The following RORB variants were observed in gnomAD, a reference collection of about 807,000 sequenced individuals.
RORB encodes RAR related orphan receptor B.
RORB carries 6 observed loss-of-function variants against 59.1 expected under a neutral mutation model. The observed-to-expected ratio is 0.10, with a 90% CI of 0.06 to 0.20. RORB has a LOEUF of 0.20. Among genes scored for constraint, RORB ranks in the 10% least tolerant of loss-of-function variants. The probability of loss-of-function intolerance (pLI) is 1.00; values close to 1 mark genes in which losing one functional copy is unlikely to be tolerated. For synonymous variants in RORB, 215 were observed against 204.5 expected, an observed-to-expected ratio of 1.05 and a Z score of -0.44; for missense variants, 320 against 560.5, an observed-to-expected ratio of 0.57 and a Z score of 4.33.
chr9:74,547,968 G>C (rs1372981933), intron 1 of RORB, among the ~76,000 whole-genome samples: 2 of 152,312 alleles, frequency 1.3e-5, no homozygotes, highest in African/African-American at 4.8e-5. Flanking sequence ...CTAGAAATTA[G>C]AGTGACTTAG....
chr9:74,507,243 T>C (rs1825881986), intron 1 of RORB, among the ~76,000 whole-genome samples: 1 of 152,086 alleles, frequency 6.6e-6, no homozygotes, highest in African/African-American at 2.4e-5. Context: ...AAGTCTAGTG[T>C]TTTTCTCTAG....
chr9:74,596,734 C>G (rs1020331882), intron 1 of RORB, among the ~76,000 whole-genome samples: 5 of 152,138 alleles, frequency 3.3e-5, no homozygotes, highest in African/African-American at 1.2e-4. Context: ...GCTTCCCCTG[C>G]TTATTGGTAA....
chr9:74,630,188 A>T, intron 1 of RORB, 94 bp from the exon 2 acceptor site: 3 of 1,483,928 alleles, frequency 2.0e-6, no homozygotes, highest in Non-Finnish European at 2.7e-6. Context: ...TCAAATACAA[A>T]CATCAAGGCA....
In RORB at chr9:74,690,356, C is replaced by T. The variant is rs1824720586; in HGVS notation, c.*4738C>T. ...TCGAAAGCCTAAAAGGGCCAGGGGG[C>T]TTAATGCAAATGGGTGAAGCAGCCC... On this transcript the variant is annotated 3_prime_UTR_variant, in exon 10 of 10. Transcript: ENST00000376896. 6.6e-6 allele frequency: 1 copy of T among 152,196 alleles called. No individual in the cohort carries two copies. The highest frequency in any genetic ancestry group is 2.1e-4 in the South Asian group (1 of 4,822). 9.4% of individuals were successfully genotyped at this position (152,196 alleles called of 1,614,324 possible).
intron 1 of RORB, among the ~76,000 whole-genome samples, chr9:74,602,139 A>G (rs1323896480): frequency 1.3e-5 from 2 of 152,098 alleles, no homozygotes; most frequent in Non-Finnish European, 2.9e-5. Context: ...AAACATCACA[A>G]ACCTTAGAAG....
intron 1 of RORB, among the ~76,000 whole-genome samples, chr9:74,622,112 G>T (rs1823430461): frequency 6.6e-6 from 1 of 151,928 alleles, no homozygotes; most frequent in South Asian, 2.1e-4. Context: ...AACTCTGCCT[G>T]GTCATTCTAA....
chr9:74,606,654 T>G (rs1211268927), intron 1 of RORB, among the ~76,000 whole-genome samples: 1 of 152,200 alleles, frequency 6.6e-6, no homozygotes, highest in Non-Finnish European at 1.5e-5. Flanking sequence ...TGTCTCCTGG[T>G]GAGTATGTTC....
chr9:74,617,393 A>G (rs1158045189), intron 1 of RORB, among the ~76,000 whole-genome samples: 2 of 152,212 alleles, frequency 1.3e-5, no homozygotes, highest in Non-Finnish European at 2.9e-5. Context: ...TGGCAATTAT[A>G]CAGAGTGATG....
At chr9:74,598,833 G>A (rs999136107) in intron 1 of RORB, among the ~76,000 whole-genome samples, 5 of 152,276 alleles carry the variant, frequency 3.3e-5, no homozygotes, top group Middle Eastern at 3.4e-3. Context: ...AAATTCAAAG[G>A]TATGACCCTG....
chr9:74,563,974 C>T (rs957521633), intron 1 of RORB, among the ~76,000 whole-genome samples: 1 of 152,166 alleles, frequency 6.6e-6, no homozygotes, highest in African/African-American at 2.4e-5. Flanking sequence ...CAAACAATGG[C>T]AAGAGAATGC....
chr9:74,503,686 A>G (rs528767436), intron 1 of RORB, among the ~76,000 whole-genome samples: 2 of 152,190 alleles, frequency 1.3e-5, no homozygotes, highest in Non-Finnish European at 1.5e-5. Flanking sequence ...AAATTAAGCA[A>G]CAAATTCATA....
intron 1 of RORB, among the ~76,000 whole-genome samples, chr9:74,574,721 T>C (rs528945917): frequency 6.6e-6 from 1 of 152,186 alleles, no homozygotes; most frequent in East Asian, 1.9e-4. Context: ...GAAAACATCA[T>C]TAAAAAGCCA....
At chr9:74,618,829 A>G (rs1823356510) in intron 1 of RORB, among the ~76,000 whole-genome samples, 1 of 152,186 alleles carries the variant, frequency 6.6e-6, no homozygotes, top group Non-Finnish European at 1.5e-5. Flanking sequence ...TCTGACTCCA[A>G]GTAGATAATT....
intron 1 of RORB, among the ~76,000 whole-genome samples, chr9:74,626,959 C>G (rs985977003): frequency 6.6e-6 from 1 of 152,012 alleles, no homozygotes; most frequent in Non-Finnish European, 1.5e-5. Flanking sequence ...GTCAGGAGAT[C>G]GAGACCATCC....
At chr9:74,531,990 A>G (rs1295973675) in intron 1 of RORB, among the ~76,000 whole-genome samples, 1 of 151,858 alleles carries the variant, frequency 6.6e-6, no homozygotes, top group Non-Finnish European at 1.5e-5. Context: ...GCCCTTGAAA[A>G]ACCTTCAGTG....
At chr9:74,550,380 A>G (rs1826588427) in intron 1 of RORB, among the ~76,000 whole-genome samples, 1 of 152,248 alleles carries the variant, frequency 6.6e-6, no homozygotes. Flanking sequence ...ACCACAAATC[A>G]GGATAACCTG....
intron 8 of RORB, among the ~76,000 whole-genome samples, chr9:74,669,998 A>G (rs189183177): frequency 3.9e-5 from 6 of 151,960 alleles, no homozygotes; most frequent in Non-Finnish European, 7.4e-5. Context: ...AATGGAAATT[A>G]GTTATCACAT....
intron 9 of RORB, among the ~76,000 whole-genome samples, chr9:74,678,497 A>T: frequency 6.6e-6 from 1 of 152,240 alleles, no homozygotes; most frequent in East Asian, 1.9e-4. Flanking sequence ...AAAAAAATTT[A>T]AAAAGCTTAA....
chr9:74,597,303 A>G (rs989533064), intron 1 of RORB, among the ~76,000 whole-genome samples: 1 of 152,238 alleles, frequency 6.6e-6, no homozygotes, highest in African/African-American at 2.4e-5. Flanking sequence ...TTCTCCTTTA[A>G]GCCAAGCACC....
Sources: gnomAD v4.1 joint callset for allele counts (sites outside exome capture counted in the v4.1 genomes callset) on GRCh38, gnomAD v4.1.1 for gene constraint, MANE v1.5 for transcripts, NCBI Gene and HGNC (gene_info 2026-07-23, HGNC 2026-07-21) for gene names.